Variants in ARFIP1 observed in about 807,000 individuals in gnomAD.
ARFIP1 encodes the protein arfaptin-1.
ARFIP1 carries 24 observed loss-of-function variants against 42.5 expected under a neutral mutation model. The observed-to-expected ratio is 0.57, with a 90% confidence interval of 0.41 to 0.80. The LOEUF (loss-of-function observed/expected upper bound fraction) is 0.80. Among genes scored for constraint, ARFIP1 ranks in the 30% least tolerant of loss-of-function variants. The pLI, the probability that ARFIP1 is intolerant of heterozygous loss-of-function variation, is 0.00. For synonymous variants in ARFIP1, 141 were observed against 153.7 expected (o/e 0.92, Z 0.61); for missense variants, 354 against 434.0 (o/e 0.82, Z 1.64).
At chr4:152,858,977 TTTTGAGAGACCCA>T (rs1353766059) in intron 2 of ARFIP1, among the ~76,000 whole-genome samples, 47 of 152,162 alleles carry the variant, frequency 3.1e-4, no homozygotes, top group Admixed American at 2.6e-3. Flanking sequence ...AAATCTAACG[TTTTGAGAGACCCA>T]TTTGAGACCC....
At chr4:152,893,218 G>A (rs1737010729) in intron 8 of ARFIP1, among the ~76,000 whole-genome samples, 1 of 152,200 alleles carries the variant, frequency 6.6e-6, no homozygotes, top group Admixed American at 6.5e-5. Context: ...GGGATTGGAA[G>A]GAGAAGGAAG....
At chr4:152,846,895 C>G (rs915683878) in intron 2 of ARFIP1, among the ~76,000 whole-genome samples, 1 of 147,104 alleles carries the variant, frequency 6.8e-6, no homozygotes, top group African/African-American at 2.5e-5. Context: ...CAGCTGGTGT[C>G]ACTGTGGCAC....
chr4:152,803,407 T>A (rs1728575838), intron 1 of ARFIP1, among the ~76,000 whole-genome samples: 1 of 152,172 alleles, frequency 6.6e-6, no homozygotes. Context: ...TGGGTAATTT[T>A]TTATTTTGGG....
intron 8 of ARFIP1, among the ~76,000 whole-genome samples, chr4:152,889,419 C>A (rs1736533943): frequency 6.9e-6 from 1 of 145,478 alleles, no homozygotes; most frequent in Non-Finnish European, 1.5e-5. Flanking sequence ...AGAAAAATTG[C>A]CTGGCATCAT....
At chr4:152,811,326 T>C (rs948859484) in intron 1 of ARFIP1, among the ~76,000 whole-genome samples, 4 of 152,190 alleles carry the variant, frequency 2.6e-5, no homozygotes, top group Non-Finnish European at 4.4e-5. Context: ...GCAGCTGTTA[T>C]ATTGTACAGC....
chr4:152,904,796 G>T (rs1738167424), intron 8 of ARFIP1, among the ~76,000 whole-genome samples: 1 of 152,068 alleles, frequency 6.6e-6, no homozygotes, highest in Non-Finnish European at 1.5e-5. Flanking sequence ...GTCTATCATT[G>T]ATGGGCATTT....
chr4:152,840,493 A>G (rs1731970703), intron 2 of ARFIP1, among the ~76,000 whole-genome samples: 1 of 152,170 alleles, frequency 6.6e-6, no homozygotes, highest in South Asian at 2.1e-4. Flanking sequence ...GCCTTTTACC[A>G]TTATATAATG....
chr4:152,804,108 A>AATATAAGATGTATTATATATTAT (rs1728679490), intron 1 of ARFIP1, among the ~76,000 whole-genome samples: 1 of 121,722 alleles, frequency 8.2e-6, no homozygotes. Context: ...TATTATATAT[A>AATATAAGATGTATTATATATTAT]ATATAACATG....
chr4:152,799,400 G>A (rs56052629), intron 1 of ARFIP1, among the ~76,000 whole-genome samples: 4,077 of 152,256 alleles, frequency 0.027, 100 homozygotes, highest in South Asian at 0.11. Context: ...CAGTGTTTCT[G>A]TGCCAATCTG....
intron 2 of ARFIP1, among the ~76,000 whole-genome samples, chr4:152,859,147 C>T (rs1378926980): frequency 3.3e-5 from 5 of 152,248 alleles, no homozygotes; most frequent in African/African-American, 7.2e-5. Flanking sequence ...CTGCAGCCTC[C>T]GTCGCCTGGG....
intron 8 of ARFIP1, among the ~76,000 whole-genome samples, chr4:152,891,007 G>A (rs75832011): frequency 0.016 from 2,420 of 152,218 alleles, 62 homozygotes; most frequent in African/African-American, 0.055. Context: ...CACAATGAAG[G>A]TACCAGTGTC....
At chr4:152,830,667 C>T (rs1357575610) in intron 2 of ARFIP1, among the ~76,000 whole-genome samples, 1 of 152,042 alleles carries the variant, frequency 6.6e-6, no homozygotes, top group Non-Finnish European at 1.5e-5. Context: ...ACATTTTGGG[C>T]CAAATTGTAC....
intron 8 of ARFIP1, among the ~76,000 whole-genome samples, chr4:152,899,703 G>C (rs528719550): frequency 3.9e-5 from 6 of 152,170 alleles, no homozygotes; most frequent in African/African-American, 1.4e-4. Flanking sequence ...GTCGGTTTTT[G>C]CCCCTAGAGG....
At chr4:152,877,070 G>A (rs1362607248) in intron 5 of ARFIP1, among the ~76,000 whole-genome samples, 4 of 152,176 alleles carry the variant, frequency 2.6e-5, no homozygotes, top group South Asian at 2.1e-4. Flanking sequence ...GGAATCGTGC[G>A]ATCAGAGCCC....
intron 1 of ARFIP1, among the ~76,000 whole-genome samples, chr4:152,787,143 C>T (rs1730857396): frequency 6.6e-6 from 1 of 152,106 alleles, no homozygotes; most frequent in South Asian, 2.1e-4. Flanking sequence ...TAGCTCAGTA[C>T]CTGACACCTA....
At chr4:152,783,054 T>C (rs1422054768) in intron 1 of ARFIP1, among the ~76,000 whole-genome samples, 1 of 152,190 alleles carries the variant, frequency 6.6e-6, no homozygotes, top group Non-Finnish European at 1.5e-5. Flanking sequence ...GCCTCACACC[T>C]GTAATCCCAA....
intron 4 of ARFIP1, 150 bp from the exon 5 acceptor site, chr4:152,872,302 T>A (rs1734954013): frequency 5.1e-6 from 3 of 586,150 alleles, no homozygotes; most frequent in Admixed American, 7.2e-5. Context: ...TCCTCAGCGA[T>A]TCCAGGAAGT....
At chr4:152,829,924 A>G (rs1731139603) in intron 2 of ARFIP1, among the ~76,000 whole-genome samples, 198 bp downstream of exon 2, 2 of 152,136 alleles carry the variant, frequency 1.3e-5, no homozygotes, top group Admixed American at 6.5e-5. Context: ...CCAGTAAACT[A>G]TTAGGCTTTG....
At chr4:152,848,470 G>T (rs1732735015) in intron 2 of ARFIP1, among the ~76,000 whole-genome samples, 1 of 152,186 alleles carries the variant, frequency 6.6e-6, no homozygotes, top group Non-Finnish European at 1.5e-5. Context: ...ATTTGGGTTT[G>T]TGAGTGTGAG....
Sources: allele counts gnomAD v4.1 joint callset (sites outside exome capture counted in the v4.1 genomes callset), GRCh38; gene constraint gnomAD v4.1.1; transcripts MANE v1.5; gene names NCBI Gene and HGNC (gene_info 2026-07-23, HGNC 2026-07-21).